Variants in ARHGAP44 observed in about 807,000 individuals in gnomAD.
ARHGAP44 encodes the protein Rho GTPase activating protein 44.
A neutral mutation model predicts 106.8 loss-of-function variants in ARHGAP44; 43 were observed. The ratio of observed to expected loss-of-function variants is 0.40; its 90% CI spans 0.32 to 0.52. The LOEUF is 0.52. ARHGAP44 is among the 20% of genes least tolerant of loss of function. The probability of loss-of-function intolerance (pLI) is 0.48; values close to 1 mark genes in which losing one functional copy is unlikely to be tolerated. For missense variants in ARHGAP44, 866 were observed against 1,050.5 expected (o/e 0.82, Z 2.43); for synonymous variants, 439 against 410.3 (o/e 1.07, Z -0.85).
chr17:12,868,689 C>T (rs1026673086), intron 1 of ARHGAP44, among the ~76,000 whole-genome samples: 1 of 143,098 alleles, frequency 7.0e-6, no homozygotes, highest in Non-Finnish European at 1.5e-5. Context: ...CGGAGTTTTG[C>T]TCTGTCACCT....
At chr17:12,928,608 A>AT (rs766302838) in intron 6 of ARHGAP44, among the ~76,000 whole-genome samples, 5 of 152,148 alleles carry the variant, frequency 3.3e-5, no homozygotes, top group African/African-American at 9.7e-5. Flanking sequence ...AATAACATTA[A>AT]TTTTTTTAAA....
At chr17:12,967,322 T>G (rs2039420023) in intron 16 of ARHGAP44, among the ~76,000 whole-genome samples, 1 of 142,468 alleles carries the variant, frequency 7.0e-6, no homozygotes, top group Admixed American at 7.3e-5. Flanking sequence ...CTCAAACTCC[T>G]GGGCTCAATG....
At chr17:12,876,926 A>AAAG (rs1567663376) in intron 1 of ARHGAP44, among the ~76,000 whole-genome samples, 5 of 151,560 alleles carry the variant, frequency 3.3e-5, no homozygotes, top group African/African-American at 1.2e-4. Context: ...AAAAAAAAAA[A>AAAG]AAGAAGAAAA....
chr17:12,810,454 T>C (rs1440889019), intron 1 of ARHGAP44, among the ~76,000 whole-genome samples: 1 of 152,174 alleles, frequency 6.6e-6, no homozygotes, highest in African/African-American at 2.4e-5. Context: ...GCTAATATGG[T>C]GACTCATAAT....
intron 1 of ARHGAP44, among the ~76,000 whole-genome samples, chr17:12,829,316 A>C (rs1329527815): frequency 6.6e-6 from 1 of 151,948 alleles, no homozygotes; most frequent in African/African-American, 2.4e-5. Flanking sequence ...TGTTTGTCTA[A>C]ACCTTACCAT....
At chr17:12,942,298 C>T (rs540572579) in intron 8 of ARHGAP44, among the ~76,000 whole-genome samples, 29 of 152,314 alleles carry the variant, frequency 1.9e-4, no homozygotes, top group South Asian at 1.7e-3. Context: ...AGGCGCATGC[C>T]GCCATGCCCA....
chr17:12,847,537 G>A (rs1371065939), intron 1 of ARHGAP44, among the ~76,000 whole-genome samples: 3 of 121,894 alleles, frequency 2.5e-5, no homozygotes, highest in Non-Finnish European at 4.7e-5. Flanking sequence ...TTTTTGAGAC[G>A]GAGTCTCCCT....
intron 1 of ARHGAP44, among the ~76,000 whole-genome samples, chr17:12,800,813 G>A (rs921407631): frequency 1.3e-5 from 2 of 152,182 alleles, no homozygotes; most frequent in Admixed American, 6.5e-5. Context: ...TAGGTCAGTC[G>A]TAGGCAAATG....
chr17:12,988,924 C>CAA (rs1315163938), intron 20 of ARHGAP44: 1 of 113,458 alleles, frequency 8.8e-6, no homozygotes, highest in East Asian at 2.8e-4. Flanking sequence ...ACTAAAAACA[C>CAA]CAAAAAAAAA....
chr17:12,846,531 C>T (rs2035576071), intron 1 of ARHGAP44, among the ~76,000 whole-genome samples: 1 of 152,224 alleles, frequency 6.6e-6, no homozygotes, highest in South Asian at 2.1e-4. Context: ...TTTCATTACA[C>T]TGATACATTG....
intron 1 of ARHGAP44, among the ~76,000 whole-genome samples, chr17:12,829,478 C>T (rs963243641): frequency 6.6e-6 from 1 of 152,002 alleles, no homozygotes; most frequent in Admixed American, 6.6e-5. Flanking sequence ...AATATTTATC[C>T]CCATATTAGT....
At chr17:12,832,222 A>G (rs1189057649) in intron 1 of ARHGAP44, among the ~76,000 whole-genome samples, 6 of 152,136 alleles carry the variant, frequency 3.9e-5, no homozygotes, top group Non-Finnish European at 8.8e-5. Flanking sequence ...TTTGATGGAT[A>G]GGGGGCCAGG....
chr17:12,811,182 G>A (rs1277627134), intron 1 of ARHGAP44, among the ~76,000 whole-genome samples: 5 of 151,888 alleles, frequency 3.3e-5, no homozygotes, highest in African/African-American at 1.2e-4. Context: ...GCGTGGTGGC[G>A]GGCGCCTGTA....
At chr17:12,843,863 G>T (rs2035489921) in intron 1 of ARHGAP44, among the ~76,000 whole-genome samples, 1 of 151,154 alleles carries the variant, frequency 6.6e-6, no homozygotes, top group East Asian at 2.0e-4. Context: ...CACCGTGTTG[G>T]CCAGGATGCT....
rs2038947253 is a variant in ARHGAP44 at position 12,949,721 on chromosome 17, A to G, written c.1046A>G (p.Gln349Arg). 1.2e-6 allele frequency: 2 copies of G among 1,613,352 alleles called. No homozygotes were observed. The highest frequency in any genetic ancestry group is 4.5e-5 in the East Asian group (2 of 44,874). Reference protein sequence around the residue: ...MTFELYDEWIQASNVQEQDKK... With the variant: ...MTFELYDEWIRASNVQEQDKK... The stretch of plus-strand genomic sequence containing the variant: ...TTTGAACTCTATGATGAGTGGATCC[A>G]GGCTTCCAAGTGAGTACCCCTTGTT... Residue 349 changes from glutamine (Q) to arginine (R), a missense_variant, in exon 12 of 21, where the codon CAG becomes CGG. Physicochemically the swap from Gln to Arg is conservative, Grantham distance 43 (BLOSUM62 1). Coordinates refer to ENST00000379672, the MANE Select transcript of ARHGAP44 (RefSeq NM_014859.6). This position sits in a 1 kb window ranked among gnomAD's most constrained non-coding sequence, Gnocchi z 4.1.
chr17:12,958,948 G>A lies in ARHGAP44; in HGVS notation c.1523+51G>A, dbSNP rs900348546. The A allele has an allele frequency of 9.0e-6, 14 of 1,556,124 alleles. No homozygotes were observed. The highest frequency in any genetic ancestry group is 1.2e-5 in the Non-Finnish European group (14 of 1,146,870). On this transcript the variant is annotated intron_variant, in intron 16 of 20. Transcript: ENST00000379672. This position sits in a 1 kb window ranked among gnomAD's most constrained non-coding sequence, Gnocchi z 4.1. ...CACTGGGGATTAGGGGAGGTGGTGGGGGTGGATGGGTGACGCATAAGAAAA... is the reference window on the plus strand; with the variant it reads ...CACTGGGGATTAGGGGAGGTGGTGGAGGTGGATGGGTGACGCATAAGAAAA...
chr17:12,841,788 G>A (rs2035415832), intron 1 of ARHGAP44, among the ~76,000 whole-genome samples: 1 of 152,048 alleles, frequency 6.6e-6, no homozygotes, highest in African/African-American at 2.4e-5. Flanking sequence ...AGATAATTGA[G>A]GCAGATTCAT....
chr17:12,940,228 C>T (rs1461800186), intron 7 of ARHGAP44, among the ~76,000 whole-genome samples: 1 of 74,318 alleles, frequency 1.3e-5, no homozygotes, highest in Non-Finnish European at 2.7e-5. Context: ...CCTAGAGCAG[C>T]TGCACAAGGG....
At chr17:12,987,560 T>C (rs933060050) in intron 20 of ARHGAP44, 1 of 158,898 alleles carries the variant, frequency 6.3e-6, no homozygotes, top group African/African-American at 2.4e-5. Context: ...TGCTCACCTT[T>C]GTTTAGGAAG....
Sources: gnomAD v4.1 joint callset for allele counts (sites outside exome capture counted in the v4.1 genomes callset) on GRCh38, gnomAD v4.1.1 for gene constraint, Gnocchi (gnomAD v3.1) non-coding constraint, MANE v1.5 for transcripts, NCBI Gene and HGNC (gene_info 2026-07-23, HGNC 2026-07-21) for gene names.